Variants in CADM2 observed in about 807,000 individuals in gnomAD.
The protein encoded by CADM2 is cell adhesion molecule 2.
A neutral mutation model predicts 49.8 loss-of-function variants in CADM2; 12 were observed. The observed-to-expected ratio is 0.24, with a 90% CI of 0.15 to 0.39. The LOEUF (loss-of-function observed/expected upper bound fraction) is 0.39. CADM2 is among the 10% of genes least tolerant of loss of function. CADM2 has a pLI of 1.00. For missense variants in CADM2, 378 were observed against 492.3 expected (o/e 0.77, Z 2.20); for synonymous variants, 214 against 175.4 (o/e 1.22, Z -1.74).
chr3:85,599,984 G>A (rs1031676086), intron 1 of CADM2, among the ~76,000 whole-genome samples: 3 of 151,830 alleles, frequency 2.0e-5, no homozygotes, highest in African/African-American at 7.2e-5. Context: ...TATTTCCTTA[G>A]ATAAAATGAA....
intron 1 of CADM2, among the ~76,000 whole-genome samples, chr3:85,480,414 G>T (rs2039161202): frequency 6.6e-6 from 1 of 151,836 alleles, no homozygotes; most frequent in Non-Finnish European, 1.5e-5. Flanking sequence ...TCAAATTTGT[G>T]ACTGTGGGCA....
rs547166798 is a variant in CADM2, at chr3:85,403,603, A to G, written c.62-322919A>G. Among the ~76,000 whole-genome samples the G allele has an allele frequency of 1.6e-4, 25 of 152,256 alleles. No homozygotes were observed. In the East Asian group the frequency reaches 3.5e-3, roughly 21 times the overall value. On this transcript the variant is annotated intron_variant, in intron 1 of 9. Coordinates refer to ENST00000383699, the MANE Select transcript of CADM2 (RefSeq NM_001167675.2). ...TAATAAGGCAGATCTGGTCTTCACC[A>G]CCACCACAGCAAATGTGCTCAAGGC...
intron 8 of CADM2, among the ~76,000 whole-genome samples, chr3:86,011,545 C>A (rs1031046374): frequency 6.6e-6 from 1 of 150,576 alleles, no homozygotes; most frequent in Admixed American, 6.6e-5. Context: ...GGAATTGGGG[C>A]GATAAGAAAA....
At chr3:85,905,661 A>G (rs1716700945) in intron 5 of CADM2, among the ~76,000 whole-genome samples, 1 of 152,102 alleles carries the variant, frequency 6.6e-6, no homozygotes, top group South Asian at 2.1e-4. Flanking sequence ...CAGAAAAAGA[A>G]AAATAATTAG....
At chr3:85,465,142 T>C (rs2038433572) in intron 1 of CADM2, among the ~76,000 whole-genome samples, 1 of 152,068 alleles carries the variant, frequency 6.6e-6, no homozygotes, top group Non-Finnish European at 1.5e-5. Context: ...AGAACGAGAC[T>C]CTGTCTCAAA....
chr3:85,534,007 A>G (rs190145434), intron 1 of CADM2, among the ~76,000 whole-genome samples: 48 of 152,312 alleles, frequency 3.2e-4, no homozygotes, highest in Middle Eastern at 3.4e-3. Context: ...ATGCAAAATG[A>G]CATTATGGTG....
chr3:85,106,815 T>C (rs547219540), intron 1 of CADM2, among the ~76,000 whole-genome samples: 132 of 152,202 alleles, frequency 8.7e-4, no homozygotes, highest in Middle Eastern at 3.4e-3. Flanking sequence ...GAAGCATCTA[T>C]ATACAGCATT....
At chr3:85,780,397 C>A (rs2070576462) in intron 2 of CADM2, among the ~76,000 whole-genome samples, 1 of 152,152 alleles carries the variant, frequency 6.6e-6, no homozygotes, top group Non-Finnish European at 1.5e-5. Context: ...GTCTATAGAA[C>A]AGAGAAAAGT....
chr3:85,833,157 G>A (rs768705942), intron 3 of CADM2, among the ~76,000 whole-genome samples: 12 of 151,914 alleles, frequency 7.9e-5, no homozygotes, highest in Non-Finnish European at 1.6e-4. Flanking sequence ...TGCATCCCAG[G>A]AATAAAGCTT....
intron 8 of CADM2, among the ~76,000 whole-genome samples, chr3:86,004,233 TAA>T (rs886454200): frequency 2.0e-5 from 3 of 152,168 alleles, no homozygotes; most frequent in Non-Finnish European, 4.4e-5. Context: ...TACAATAGCA[TAA>T]GAGTTACACA....
At chr3:85,572,804 C>T (rs545265940) in intron 1 of CADM2, among the ~76,000 whole-genome samples, 1 of 152,100 alleles carries the variant, frequency 6.6e-6, no homozygotes, top group Non-Finnish European at 1.5e-5. Context: ...CTCTGAGCCA[C>T]CAGCAGATTG....
At chr3:85,198,836 G>A (rs892184451) in intron 1 of CADM2, among the ~76,000 whole-genome samples, 2 of 151,776 alleles carry the variant, frequency 1.3e-5, no homozygotes, top group African/African-American at 4.8e-5. Flanking sequence ...TAAAAATGGT[G>A]TATTTCCATA....
At chr3:85,937,976 G>A (rs569918141) in intron 7 of CADM2, among the ~76,000 whole-genome samples, 3 of 151,950 alleles carry the variant, frequency 2.0e-5, no homozygotes, top group African/African-American at 4.8e-5. Context: ...CTGATTTCTT[G>A]TATTATATTC....
intron 1 of CADM2, among the ~76,000 whole-genome samples, chr3:85,181,090 A>G (rs1367190658): frequency 6.6e-6 from 1 of 152,164 alleles, no homozygotes; most frequent in Non-Finnish European, 1.5e-5. Flanking sequence ...GCTTAAATGA[A>G]CTCAGTGATT....
At chr3:85,151,076 G>A (rs759100826) in intron 1 of CADM2, among the ~76,000 whole-genome samples, 2 of 151,994 alleles carry the variant, frequency 1.3e-5, no homozygotes, top group African/African-American at 2.4e-5. Context: ...AATGGTAGAT[G>A]GGGACACAGG....
intron 1 of CADM2, among the ~76,000 whole-genome samples, chr3:85,334,088 G>A (rs2045011693): frequency 6.6e-6 from 1 of 151,496 alleles, no homozygotes; most frequent in Non-Finnish European, 1.5e-5. Flanking sequence ...TGCATCTGAA[G>A]CAAATAAAAA....
chr3:85,427,909 G>A (rs539775139), intron 1 of CADM2, among the ~76,000 whole-genome samples: 2 of 152,190 alleles, frequency 1.3e-5, no homozygotes, highest in South Asian at 4.1e-4. Flanking sequence ...GCATTCTGCA[G>A]CTATAACTTC....
intron 1 of CADM2, among the ~76,000 whole-genome samples, chr3:85,715,437 T>C (rs2067255867): frequency 6.6e-6 from 1 of 152,184 alleles, no homozygotes. Context: ...GAACAAAACA[T>C]TAGAACACCC....
chr3:85,602,637 C>G (rs1054713998), intron 1 of CADM2, among the ~76,000 whole-genome samples: 3 of 151,728 alleles, frequency 2.0e-5, no homozygotes, highest in African/African-American at 7.2e-5. Context: ...TATTAGAATG[C>G]TTATACCTGT....
Sources: gnomAD v4.1 joint callset for allele counts (sites outside exome capture counted in the v4.1 genomes callset) on GRCh38, gnomAD v4.1.1 for gene constraint, MANE v1.5 for transcripts, NCBI Gene and HGNC (gene_info 2026-07-23, HGNC 2026-07-21) for gene names.